Variants in KRABD2 observed in about 807,000 individuals in gnomAD.
The protein encoded by KRABD2 is KRAB domain containing 2.
At chr17:8,376,206 A>C in the KRABD2 span, 1 of 1,231,460 alleles carries the variant, frequency 8.1e-7, no homozygotes, top group Non-Finnish European at 1.0e-6. Context: ...ATTTTGTCAA[A>C]AATGTCGCTT....
At chr17:8,359,938 A>T in the KRABD2 span, 1 of 414,806 alleles carries the variant, frequency 2.4e-6, no homozygotes, top group Non-Finnish European at 4.9e-6. Flanking sequence ...GTGGGGGTAG[A>T]GTGGGGAGGA....
chr17:8,374,628 TAAA>T, the KRABD2 span, among the ~76,000 whole-genome samples: 3 of 71,420 alleles, frequency 4.2e-5, no homozygotes, highest in Middle Eastern at 8.9e-3. Context: ...CAATAAATAC[TAAA>T]AAAAAAAAAA....
At chr17:8,369,598 T>G in the KRABD2 span, 3 of 1,614,098 alleles carry the variant, frequency 1.9e-6, no homozygotes, top group African/African-American at 1.3e-5. Context: ...CACAACTCAT[T>G]GAGCTCATGA....
chr17:8,361,521 G>A, the KRABD2 span, among the ~76,000 whole-genome samples: 4 of 152,304 alleles, frequency 2.6e-5, no homozygotes, highest in East Asian at 7.7e-4. Flanking sequence ...AGGTAGTTGG[G>A]ACCATATGAT....
At chr17:8,376,057 G>A in the KRABD2 span, 4 of 1,231,644 alleles carry the variant, frequency 3.2e-6, no homozygotes, top group Non-Finnish European at 4.0e-6. Flanking sequence ...ACACTCACTG[G>A]AGCACTTCGC....
the KRABD2 span, among the ~76,000 whole-genome samples, chr17:8,364,659 C>T: frequency 2.2e-3 from 333 of 152,140 alleles, 10 homozygotes; most frequent in East Asian, 0.048. The surrounding 1 kb of genome is among the most constrained non-coding windows in gnomAD (Gnocchi z 4.4). Context: ...CCACATATGC[C>T]GAGTTCTCAA....
At chr17:8,363,557 G>A in the KRABD2 span, among the ~76,000 whole-genome samples, 2 of 151,646 alleles carry the variant, frequency 1.3e-5, no homozygotes, top group African/African-American at 2.4e-5. Flanking sequence ...CATTTTGGCC[G>A]GGTTGGTCTC....
chr17:8,365,355 G>A, the KRABD2 span, among the ~76,000 whole-genome samples: 1 of 152,154 alleles, frequency 6.6e-6, no homozygotes, highest in Non-Finnish European at 1.5e-5. Context: ...TCAGCACTGG[G>A]GAGGGGAAGG....
chr17:8,376,538 C>A, the KRABD2 span: 2 of 988,794 alleles, frequency 2.0e-6, no homozygotes, highest in African/African-American at 3.5e-5. Flanking sequence ...CTGCTCCCAC[C>A]GCCTGGATCC....
chr17:8,360,016 C>T, the KRABD2 span: 17,949 of 364,860 alleles, frequency 0.049, 589 homozygotes, highest in Non-Finnish European at 0.071. Context: ...TGTGTGAATC[C>T]CAGAGGAAAG....
chr17:8,374,496 G>T, the KRABD2 span, among the ~76,000 whole-genome samples: 1 of 151,908 alleles, frequency 6.6e-6, no homozygotes. Context: ...GCGGAAGGCC[G>T]CAGGGTCCTC....
chr17:8,365,575 T>G, the KRABD2 span: 2 of 152,188 alleles, frequency 1.3e-5, no homozygotes, highest in East Asian at 3.9e-4. Flanking sequence ...CTGCAGAATC[T>G]GAAAAGAAAT....
At chr17:8,359,019 C>T in the KRABD2 span, among the ~76,000 whole-genome samples, 1 of 152,114 alleles carries the variant, frequency 6.6e-6, no homozygotes, top group Admixed American at 6.6e-5. Flanking sequence ...ACATTTGGTT[C>T]CCAGTGTCTC....
chr17:8,362,111 C>T, the KRABD2 span, among the ~76,000 whole-genome samples: 148 of 152,180 alleles, frequency 9.7e-4, no homozygotes, highest in African/African-American at 3.3e-3. This position sits in a 1 kb window ranked among gnomAD's most constrained non-coding sequence, Gnocchi z 4.2. Context: ...TGGTGGATCA[C>T]GAGGTCAGGA....
At chr17:8,371,705 T>G in the KRABD2 span, 904,046 of 1,362,070 alleles carry the variant, frequency 0.66, 302,947 homozygotes, top group Admixed American at 0.73. Flanking sequence ...TGTAGCCCAT[T>G]TATTAATCTT....
At chr17:8,363,862 T>TA in the KRABD2 span, among the ~76,000 whole-genome samples, 8,766 of 53,410 alleles carry the variant, frequency 0.16, 442 homozygotes, top group East Asian at 0.24. Flanking sequence ...TATATATATA[T>TA]TTATTTATTT....
At chr17:8,372,502 G>A in the KRABD2 span, among the ~76,000 whole-genome samples, 1 of 152,138 alleles carries the variant, frequency 6.6e-6, no homozygotes, top group African/African-American at 2.4e-5. The surrounding 1 kb of genome is among the most constrained non-coding windows in gnomAD (Gnocchi z 4.1). Context: ...TGCTGGCCAG[G>A]CTGGTCCTCG....
At chr17:8,373,935 GCAGCCGCCC>G in the KRABD2 span, 4 of 157,902 alleles carry the variant, frequency 2.5e-5, no homozygotes, top group African/African-American at 9.7e-5. Context: ...CCTCCGCCCG[GCAGCCGCCC>G]CGTCTGGGAA....
the KRABD2 span, among the ~76,000 whole-genome samples, chr17:8,366,418 T>C: frequency 6.6e-6 from 1 of 152,172 alleles, no homozygotes; most frequent in Non-Finnish European, 1.5e-5. Flanking sequence ...AAACCTTGAT[T>C]ATTTCCCTGA....
Sources: allele counts gnomAD v4.1 joint callset (sites outside exome capture counted in the v4.1 genomes callset), GRCh38; gene constraint gnomAD v4.1.1; non-coding constraint Gnocchi (gnomAD v3.1); transcripts MANE v1.5; gene names NCBI Gene and HGNC (gene_info 2026-07-23, HGNC 2026-07-21).